The following TUSC3 variants were observed in gnomAD, a reference collection of about 807,000 sequenced individuals.
TUSC3 encodes the protein tumor suppressor candidate 3, also known as dolichyl-diphosphooligosaccharide--protein glycosyltransferase subunit TUSC3.
In TUSC3, 45 loss-of-function variants were observed where a neutral mutation model predicts 44.8. The observed-to-expected ratio is 1.00, with a 90% CI of 0.79 to 1.29. The LOEUF is 1.29. Ranked by LOEUF, TUSC3 falls within the 50% of genes most tolerant of loss-of-function variation. The probability of loss-of-function intolerance (pLI) is 0.00; values close to 1 mark genes in which losing one functional copy is unlikely to be tolerated. For synonymous variants in TUSC3, 212 were observed against 152.9 expected (o/e 1.39, Z -2.85); for missense variants, 519 against 437.9 (o/e 1.19, Z -1.65).
At chr8:15,755,203 T>G (rs932385409) in intron 9 of TUSC3, among the ~76,000 whole-genome samples, 2 of 152,126 alleles carry the variant, frequency 1.3e-5, no homozygotes, top group Non-Finnish European at 2.9e-5. Flanking sequence ...TTGGGCAAGT[T>G]ACTTAACTTT....
At chr8:15,769,740 C>T (rs1812408650), downstream of TUSC3, among the ~76,000 whole-genome samples, 2 of 151,956 alleles carry the variant, frequency 1.3e-5, no homozygotes, top group Admixed American at 1.3e-4. Flanking sequence ...GAGAAAACCC[C>T]ATCAAAAAGT....
chr8:15,514,055 A>G (rs971567393), intron 2 of TUSC3, among the ~76,000 whole-genome samples: 2 of 152,156 alleles, frequency 1.3e-5, no homozygotes, highest in South Asian at 2.1e-4. Flanking sequence ...AGGAACGTCA[A>G]GGTCCCTTCT....
intron 2 of TUSC3, among the ~76,000 whole-genome samples, chr8:15,485,655 G>C (rs1800724338): frequency 6.6e-6 from 1 of 152,172 alleles, no homozygotes; most frequent in South Asian, 2.1e-4. Context: ...ACATGCGTCA[G>C]TGCAGGGAAG....
chr8:15,567,244 A>C (rs945808312), intron 1 of TUSC3, among the ~76,000 whole-genome samples: 3 of 152,168 alleles, frequency 2.0e-5, no homozygotes, highest in Non-Finnish European at 4.4e-5. Flanking sequence ...CATTATTTTC[A>C]GAAGAACACT....
At chr8:15,513,086 T>G (rs1230160844) in intron 2 of TUSC3, among the ~76,000 whole-genome samples, 1 of 151,082 alleles carries the variant, frequency 6.6e-6, no homozygotes, top group Non-Finnish European at 1.5e-5. Flanking sequence ...ACCAAAATTA[T>G]TACTCGAAAA....
intron 2 of TUSC3, among the ~76,000 whole-genome samples, chr8:15,500,493 C>A (rs1296604936): frequency 6.6e-6 from 1 of 152,072 alleles, no homozygotes; most frequent in Admixed American, 6.5e-5. Context: ...GAGAACTAGT[C>A]ACTGTTAACA....
At chr8:15,692,854 C>G (rs1808979248) in intron 6 of TUSC3, among the ~76,000 whole-genome samples, 1 of 152,030 alleles carries the variant, frequency 6.6e-6, no homozygotes, top group Non-Finnish European at 1.5e-5. Flanking sequence ...CTATTGGGTG[C>G]ATATATATTT....
At chr8:15,508,143 G>T (rs931275357) in intron 2 of TUSC3, among the ~76,000 whole-genome samples, 1 of 152,144 alleles carries the variant, frequency 6.6e-6, no homozygotes, top group African/African-American at 2.4e-5. Context: ...GGAACGTGAG[G>T]CAGGAGAATC....
intron 1 of TUSC3, among the ~76,000 whole-genome samples, chr8:15,616,920 A>G (rs975616961): frequency 3.9e-5 from 6 of 152,152 alleles, no homozygotes; most frequent in African/African-American, 7.2e-5. Context: ...GGCCAGTAGC[A>G]TGAGACCAGC....
At chr8:15,640,583 C>T (rs1034765899) in intron 2 of TUSC3, among the ~76,000 whole-genome samples, 8 of 152,254 alleles carry the variant, frequency 5.3e-5, no homozygotes, top group African/African-American at 1.9e-4. Flanking sequence ...GTAGAATAAG[C>T]CTCCCCTGCC....
chr8:15,592,523 A>G (rs1311122297), intron 1 of TUSC3, among the ~76,000 whole-genome samples: 2 of 151,942 alleles, frequency 1.3e-5, no homozygotes, highest in Non-Finnish European at 2.9e-5. Context: ...TGGTTGTTTA[A>G]AGGAGCCTGC....
chr8:15,812,288 G>T, the TUSC3 span, among the ~76,000 whole-genome samples: 1 of 152,164 alleles, frequency 6.6e-6, no homozygotes, highest in Non-Finnish European at 1.5e-5. Flanking sequence ...AAAACATTTA[G>T]AAAGTGTTAG....
chr8:15,607,545 C>G (rs1194249456), intron 1 of TUSC3, among the ~76,000 whole-genome samples: 1 of 152,068 alleles, frequency 6.6e-6, no homozygotes, highest in Non-Finnish European at 1.5e-5. Context: ...TTTACTTCTC[C>G]TCTAACATTT....
chr8:15,769,844 A>T (rs748225568), downstream of TUSC3, among the ~76,000 whole-genome samples: 1 of 152,234 alleles, frequency 6.6e-6, no homozygotes, highest in Non-Finnish European at 1.5e-5. Flanking sequence ...CATTAGAGAG[A>T]TGCAAATTAA....
intron 1 of TUSC3, among the ~76,000 whole-genome samples, chr8:15,450,417 G>A (rs1035542297): frequency 3.9e-5 from 6 of 152,114 alleles, no homozygotes; most frequent in Non-Finnish European, 5.9e-5. Flanking sequence ...TGGGCGTGGC[G>A]GCTAACACCT....
intron 1 of TUSC3, among the ~76,000 whole-genome samples, chr8:15,577,546 C>A (rs1279456424): frequency 6.7e-6 from 1 of 148,978 alleles, no homozygotes; most frequent in Non-Finnish European, 1.5e-5. Context: ...AGCCAGTTTT[C>A]CCAGCACCAT....
intron 1 of TUSC3, among the ~76,000 whole-genome samples, chr8:15,452,857 C>T (rs937757086): frequency 1.3e-5 from 2 of 152,172 alleles, no homozygotes; most frequent in Non-Finnish European, 2.9e-5. Context: ...TTGTGCTGGT[C>T]TGCCCATTGC....
chr8:15,801,565 G>A, the TUSC3 span, among the ~76,000 whole-genome samples: 12,030 of 152,048 alleles, frequency 0.079, 805 homozygotes, highest in African/African-American at 0.18. Context: ...GTGTTTTTTC[G>A]TAAATGTGAT....
the TUSC3 span, among the ~76,000 whole-genome samples, chr8:15,821,998 G>A: frequency 1.3e-5 from 2 of 152,100 alleles, no homozygotes; most frequent in African/African-American, 4.8e-5. Context: ...ATTTGATAAG[G>A]CTGGTAGCAC....
Sources: gnomAD v4.1 joint callset for allele counts (sites outside exome capture counted in the v4.1 genomes callset) on GRCh38, gnomAD v4.1.1 for gene constraint, MANE v1.5 for transcripts, NCBI Gene and HGNC (gene_info 2026-07-23, HGNC 2026-07-21) for gene names.